Variants in GAS7 observed in about 807,000 individuals in gnomAD.
GAS7 encodes the protein growth arrest-specific protein 7.
GAS7 carries 28 observed loss-of-function variants against 71.1 expected under a neutral mutation model. The observed-to-expected ratio is 0.39, with a 90% CI of 0.29 to 0.54. The LOEUF (loss-of-function observed/expected upper bound fraction) is 0.54, where lower values mean the gene tolerates loss of function less well. Ranked by LOEUF, GAS7 falls within the 20% of genes least tolerant of loss-of-function variation. GAS7 has a pLI of 0.62. For missense variants in GAS7, 436 were observed against 627.8 expected (o/e 0.69, Z 3.27); for synonymous variants, 258 against 245.8 (o/e 1.05, Z -0.46).
At chr17:10,094,123 T>C (rs571499094) in intron 1 of GAS7, among the ~76,000 whole-genome samples, 73 of 152,346 alleles carry the variant, frequency 4.8e-4, no homozygotes, top group South Asian at 3.5e-3. Flanking sequence ...CAATGGTCCA[T>C]GGGTTACAGA....
intron 1 of GAS7, among the ~76,000 whole-genome samples, chr17:10,045,268 A>C (rs2072934449): frequency 6.6e-6 from 1 of 152,152 alleles, no homozygotes; most frequent in Non-Finnish European, 1.5e-5. Context: ...CAGGCCATAG[A>C]CTGTGGCTGG....
chr17:10,111,602 T>G (rs1409603237), intron 1 of GAS7, among the ~76,000 whole-genome samples: 1 of 151,676 alleles, frequency 6.6e-6, no homozygotes, highest in Non-Finnish European at 1.5e-5. Flanking sequence ...GAGAATCGCT[T>G]GAACCCAGGA....
chr17:10,188,911 T>C (rs1357306379), intron 1 of GAS7, among the ~76,000 whole-genome samples: 1 of 152,206 alleles, frequency 6.6e-6, no homozygotes, highest in Non-Finnish European at 1.5e-5. Context: ...CCCAAAGTGC[T>C]GGGATTATAG....
chr17:10,065,643 T>C (rs1008167748), intron 1 of GAS7, among the ~76,000 whole-genome samples: 1 of 152,234 alleles, frequency 6.6e-6, no homozygotes, highest in African/African-American at 2.4e-5. Context: ...GAAAACCTTC[T>C]CAATTCAAGA....
intron 1 of GAS7, among the ~76,000 whole-genome samples, chr17:10,166,935 C>T (rs1249650614): frequency 6.6e-6 from 1 of 151,962 alleles, no homozygotes; most frequent in Non-Finnish European, 1.5e-5. Flanking sequence ...TGTCCTTTCA[C>T]GAGCTGATGG....
Position 9,922,196 on chromosome 17 carries a change from AGATGATGATGATGAT to A in GAS7, c.1139-2506_1139-2492del, listed in dbSNP as rs35613552. Among the ~76,000 whole-genome samples the A allele has an allele frequency of 1.6e-4, 16 of 100,384 alleles. No individual in the cohort carries two copies. The East Asian group carries it at 3.5e-3, about 22-fold the overall frequency. The allele number at this position is 100,384 out of a possible 152,430, so 65.9% of individuals were successfully genotyped here. ...TTAATATGGGCTATGGTGGTGATGA[AGATGATGATGATGAT>A]GATGATGATGATGATGATCCCTGAG... On this transcript the variant is annotated intron_variant, in intron 11 of 13. Coordinates refer to ENST00000432992, the MANE Select transcript of GAS7 (RefSeq NM_201433.2).
intron 1 of GAS7, among the ~76,000 whole-genome samples, chr17:10,089,039 T>C (rs1179453066): frequency 6.6e-6 from 1 of 151,896 alleles, no homozygotes; most frequent in Non-Finnish European, 1.5e-5. Context: ...CAGGTGCCTG[T>C]AATCCCAGCT....
chr17:9,988,998 G>A (rs2070743726), intron 2 of GAS7, among the ~76,000 whole-genome samples: 1 of 152,018 alleles, frequency 6.6e-6, no homozygotes, highest in African/African-American at 2.4e-5. Flanking sequence ...ACAGGAGCCT[G>A]CCACCACGCC....
chr17:10,184,147 T>C (rs149333186), intron 1 of GAS7, among the ~76,000 whole-genome samples: 1 of 152,352 alleles, frequency 6.6e-6, no homozygotes, highest in Non-Finnish European at 1.5e-5. Flanking sequence ...CCTGACACTG[T>C]TGGCATCTGG....
chr17:10,062,306 G>A (rs55951113), intron 1 of GAS7, among the ~76,000 whole-genome samples: 11 of 152,336 alleles, frequency 7.2e-5, no homozygotes, highest in African/African-American at 2.6e-4. Context: ...CCAACGTGGC[G>A]AAACCTCGTC....
intron 8 of GAS7, among the ~76,000 whole-genome samples, chr17:9,937,321 T>C (rs568650534): frequency 1.3e-5 from 2 of 152,338 alleles, no homozygotes; most frequent in South Asian, 2.1e-4. Context: ...ATGCTGTGCA[T>C]GTTGGCCAGG....
At chr17:10,090,329 T>A (rs1035302971) in intron 1 of GAS7, among the ~76,000 whole-genome samples, 1 of 152,184 alleles carries the variant, frequency 6.6e-6, no homozygotes, top group East Asian at 1.9e-4. Context: ...GTTTACAGCA[T>A]GGAAAATGAG....
At chr17:10,100,392 A>G (rs2073686888) in intron 1 of GAS7, among the ~76,000 whole-genome samples, 1 of 151,940 alleles carries the variant, frequency 6.6e-6, no homozygotes, top group South Asian at 2.1e-4. Context: ...GCCACTTCCC[A>G]GAGGTCTCCT....
At chr17:9,980,087 AAAT>A (rs1413886794) in intron 3 of GAS7, among the ~76,000 whole-genome samples, 4 of 151,968 alleles carry the variant, frequency 2.6e-5, no homozygotes, top group African/African-American at 9.7e-5. Context: ...ATATAAATAT[AAAT>A]AAAGTGCTTT....
intron 8 of GAS7, among the ~76,000 whole-genome samples, chr17:9,939,847 A>G (rs2068535697): frequency 6.6e-6 from 1 of 152,054 alleles, no homozygotes; most frequent in Non-Finnish European, 1.5e-5. Flanking sequence ...TGACCTTGTG[A>G]TCCACCCGCC....
intron 1 of GAS7, chr17:10,036,437 C>T (rs1437611746): frequency 6.2e-7 from 1 of 1,612,042 alleles, no homozygotes. Flanking sequence ...TTCTTACCAT[C>T]AGAGAACAGC....
rs193232595 is a variant in GAS7, at chr17:9,957,641, C to T, written c.525+1561G>A. Among the ~76,000 whole-genome samples, 60 of 150,076 alleles carry T rather than the reference C, an allele frequency of 4.0e-4. 1 individual carries two copies. Among genetic ancestry groups the T allele is most frequent in the Admixed American group, 3.9e-3 (58 of 15,044 alleles). ...AAGACTCTGGAGAGCTCCTGCTGTG[C>T]CCCAGCATTCTGGGGCATTTTGTGA... On this transcript the variant is annotated intron_variant, in intron 5 of 13. Transcript: ENST00000432992.
chr17:9,944,402 G>C (rs1439347571), intron 6 of GAS7, among the ~76,000 whole-genome samples: 1 of 152,228 alleles, frequency 6.6e-6, no homozygotes, highest in Non-Finnish European at 1.5e-5. Flanking sequence ...GTAGGACCCA[G>C]GTTCTTGTCT....
At chr17:10,040,332 A>G (rs1420893618) in intron 1 of GAS7, among the ~76,000 whole-genome samples, 1 of 152,176 alleles carries the variant, frequency 6.6e-6, no homozygotes, top group African/African-American at 2.4e-5. Context: ...ATTAGAGTTT[A>G]AGAGGCATGG....
Sources: gnomAD v4.1 joint callset for allele counts (sites outside exome capture counted in the v4.1 genomes callset) on GRCh38, gnomAD v4.1.1 for gene constraint, MANE v1.5 for transcripts, NCBI Gene and HGNC (gene_info 2026-07-23, HGNC 2026-07-21) for gene names.